SORCS1: variants seen among roughly 807,000 people sequenced by gnomAD.
SORCS1 encodes the protein VPS10 domain-containing receptor SorCS1.
A neutral mutation model predicts 146.1 loss-of-function variants in SORCS1; 60 were observed. The ratio of observed to expected loss-of-function variants is 0.41; its 90% CI spans 0.33 to 0.51. The LOEUF is 0.51. Ranked by LOEUF, SORCS1 falls within the 20% of genes least tolerant of loss-of-function variation. SORCS1 has a pLI of 0.21. For missense variants in SORCS1, 1,352 were observed against 1,487.6 expected (o/e 0.91, Z 1.50); for synonymous variants, 637 against 584.0 (o/e 1.09, Z -1.31).
intron 2 of SORCS1, among the ~76,000 whole-genome samples, chr10:106,917,286 G>A (rs1048362017): frequency 6.6e-6 from 1 of 152,012 alleles, no homozygotes; most frequent in Non-Finnish European, 1.5e-5. Flanking sequence ...TTGAGGACTG[G>A]CACTACATCT....
intron 1 of SORCS1, among the ~76,000 whole-genome samples, chr10:107,089,938 C>T (rs184869400): frequency 5.3e-5 from 8 of 152,180 alleles, no homozygotes; most frequent in African/African-American, 1.4e-4. Context: ...CAGATGGCTG[C>T]GGCTCTTTTC....
chr10:106,787,327 T>A (rs1946101583), intron 3 of SORCS1, among the ~76,000 whole-genome samples: 1 of 152,162 alleles, frequency 6.6e-6, no homozygotes, highest in South Asian at 2.1e-4. Context: ...CCTAATGATT[T>A]TCAGGTATCC....
At chr10:107,078,451 AC>A (rs1480161637) in intron 1 of SORCS1, among the ~76,000 whole-genome samples, 1 of 152,200 alleles carries the variant, frequency 6.6e-6, no homozygotes, top group Non-Finnish European at 1.5e-5. Flanking sequence ...TAGGATCGGG[AC>A]TTTGCATGTG....
chr10:107,143,419 C>T (rs565916833), intron 1 of SORCS1, among the ~76,000 whole-genome samples: 3 of 152,146 alleles, frequency 2.0e-5, no homozygotes, highest in Non-Finnish European at 4.4e-5. Context: ...CTTACACCTC[C>T]AGGGCTCAAG....
intron 2 of SORCS1, among the ~76,000 whole-genome samples, chr10:106,935,988 A>C (rs972235189): frequency 8.5e-5 from 13 of 152,208 alleles, no homozygotes; most frequent in Admixed American, 6.5e-4. Flanking sequence ...CTGTAAACTC[A>C]AATTACCCCT....
At chr10:106,916,613 T>C (rs1952445508) in intron 2 of SORCS1, among the ~76,000 whole-genome samples, 1 of 147,322 alleles carries the variant, frequency 6.8e-6, no homozygotes, top group East Asian at 2.0e-4. Context: ...TATGCACAAT[T>C]AGAAATCAGA....
At chr10:107,066,362 T>G (rs1268024507) in intron 1 of SORCS1, among the ~76,000 whole-genome samples, 1 of 152,236 alleles carries the variant, frequency 6.6e-6, no homozygotes, top group Non-Finnish European at 1.5e-5. Context: ...ACCATGTTCA[T>G]TATCCTTCAA....
intron 6 of SORCS1, among the ~76,000 whole-genome samples, chr10:106,715,755 T>G (rs1855321696): frequency 6.6e-6 from 1 of 152,032 alleles, no homozygotes; most frequent in Non-Finnish European, 1.5e-5. Context: ...TGAGGCAGCT[T>G]CTTTCTTTTT....
intron 10 of SORCS1, among the ~76,000 whole-genome samples, chr10:106,685,615 T>G (rs868509511): frequency 6.6e-6 from 1 of 152,058 alleles, no homozygotes; most frequent in Non-Finnish European, 1.5e-5. Context: ...CCCTAAGAGA[T>G]ACATGAACAT....
intron 2 of SORCS1, among the ~76,000 whole-genome samples, chr10:106,917,761 G>A (rs1315149385): frequency 6.6e-6 from 1 of 152,178 alleles, no homozygotes; most frequent in Non-Finnish European, 1.5e-5. Context: ...ATTGCAAGGT[G>A]GCTTGGCAAT....
intron 23 of SORCS1, among the ~76,000 whole-genome samples, chr10:106,605,178 C>T (rs1343348018): frequency 6.6e-6 from 1 of 152,246 alleles, no homozygotes; most frequent in Non-Finnish European, 1.5e-5. Flanking sequence ...TTGAGGGCCA[C>T]ACTCAGCTCT....
chr10:107,070,558 G>T (rs931550844), intron 1 of SORCS1, among the ~76,000 whole-genome samples: 1 of 152,046 alleles, frequency 6.6e-6, no homozygotes, highest in African/African-American at 2.4e-5. Flanking sequence ...ACTATGATTT[G>T]GTGGCTACAA....
chr10:107,139,321 T>C (rs1438850435), intron 1 of SORCS1, among the ~76,000 whole-genome samples: 1 of 152,114 alleles, frequency 6.6e-6, no homozygotes, highest in African/African-American at 2.4e-5. Context: ...TGATATAAGA[T>C]TGGCTTATTT....
At position 106,849,026 on chromosome 10, in the gene SORCS1, CT is replaced by C. The variant is rs1463580167; in HGVS notation, c.627-19354del. The stretch of plus-strand genomic sequence containing the variant: ...CTCTGACTGCCCTTAACATTTTTTC[CT>C]TCATTTCAACTTTGGTGAATCTGAC... On this transcript the variant is annotated intron_variant, in intron 2 of 25. Coordinates refer to ENST00000263054, the MANE Select transcript of SORCS1 (RefSeq NM_052918.5). Among the ~76,000 whole-genome samples, 7 of 149,836 alleles carry C rather than the reference CT, an allele frequency of 4.7e-5. No homozygotes were observed. The East Asian group carries it at 1.4e-3, about 30-fold the overall frequency.
chr10:106,667,936 A>T lies in SORCS1; in HGVS notation c.2190-134T>A. On this transcript the variant is annotated intron_variant, in intron 16 of 25. Coordinates refer to ENST00000263054, the MANE Select transcript of SORCS1 (RefSeq NM_052918.5). ...ACAAAAATAAAAACAAAAAAAAAAA[A>T]CACAAGCATTCCCTGAATCAATGAC... 3 of 583,006 alleles carry T rather than the reference A, an allele frequency of 5.1e-6. 1 individual carries two copies. Among genetic ancestry groups the T allele is most frequent in the Non-Finnish European group, 9.1e-6 (3 of 328,594 alleles). The allele number at this position is 583,006 out of a possible 1,614,324, so 36.1% of individuals were successfully genotyped here. A position where few individuals can be genotyped will look rare whatever the true frequency, so the allele number is the denominator to read the frequency against.
chr10:106,637,150 C>T (rs1288305117), intron 18 of SORCS1, among the ~76,000 whole-genome samples: 2 of 152,184 alleles, frequency 1.3e-5, no homozygotes, highest in African/African-American at 4.8e-5. Context: ...TCTTGTGTGA[C>T]ATTTTATAAT....
chr10:106,748,613 T>G (rs1455662035), intron 5 of SORCS1, among the ~76,000 whole-genome samples: 1 of 95,852 alleles, frequency 1.0e-5, no homozygotes, highest in African/African-American at 5.6e-5. Context: ...TTGGCAGCAT[T>G]TTTTTTTGCT....
At chr10:107,120,913 G>T (rs1167448802) in intron 1 of SORCS1, among the ~76,000 whole-genome samples, 1 of 152,082 alleles carries the variant, frequency 6.6e-6, no homozygotes, top group Non-Finnish European at 1.5e-5. Flanking sequence ...AAGAAAAAAT[G>T]ATCTATGCTA....
chr10:106,674,461 T>C (rs909769873), intron 14 of SORCS1, among the ~76,000 whole-genome samples: 4 of 151,902 alleles, frequency 2.6e-5, no homozygotes, highest in African/African-American at 9.7e-5. Context: ...CCTTTCTACT[T>C]TCCATGTCCA....
Sources: allele counts gnomAD v4.1 joint callset (sites outside exome capture counted in the v4.1 genomes callset), GRCh38; gene constraint gnomAD v4.1.1; transcripts MANE v1.5; gene names NCBI Gene and HGNC (gene_info 2026-07-23, HGNC 2026-07-21).